Variants in PICALM observed in about 807,000 individuals in gnomAD.
PICALM encodes the protein phosphatidylinositol-binding clathrin assembly protein.
Under a neutral mutation model 80.5 loss-of-function variants are expected in PICALM, and 40 were observed. The observed-to-expected ratio is 0.50, with a 90% CI of 0.39 to 0.65. The LOEUF is 0.65. Ranked by LOEUF, PICALM falls within the 30% of genes least tolerant of loss-of-function variation. The pLI is 0.00. For missense variants in PICALM, 676 were observed against 778.9 expected, an observed-to-expected ratio of 0.87 and a Z score of 1.57; for synonymous variants, 288 against 260.3, an observed-to-expected ratio of 1.11 and a Z score of -1.02.
intron 1 of PICALM, among the ~76,000 whole-genome samples, chr11:86,064,522 G>A (rs572964276): frequency 5.3e-5 from 8 of 151,560 alleles, no homozygotes; most frequent in South Asian, 2.1e-4. Context: ...TTAGCTGTGC[G>A]TGGTAGCAGA....
chr11:85,976,503 T>C (rs2135589415), intron 18 of PICALM, 120 bp downstream of exon 18: 1 of 644,532 alleles, frequency 1.6e-6, no homozygotes, highest in East Asian at 2.8e-5. Context: ...TCTACTGCAT[T>C]AGGCACTAGG....
intron 6 of PICALM, 57 bp from the exon 7 acceptor site, chr11:86,011,193 AG>A: frequency 1.4e-6 from 1 of 734,190 alleles, no homozygotes; most frequent in Non-Finnish European, 2.3e-6. Flanking sequence ...CACCCAAAAA[AG>A]GAAAAAAAAA....
intron 4 of PICALM, 60 bp downstream of exon 4, chr11:86,022,304 ACTC>A: frequency 2.3e-6 from 2 of 869,982 alleles, no homozygotes; most frequent in East Asian, 2.6e-5. Flanking sequence ...TAATCTAGTA[ACTC>A]CTATGTTTTA....
intron 4 of PICALM, among the ~76,000 whole-genome samples, chr11:86,017,048 C>G (rs1348426884): frequency 6.6e-6 from 1 of 152,012 alleles, no homozygotes; most frequent in Non-Finnish European, 1.5e-5. Flanking sequence ...ATGGTGAAAC[C>G]CCATCTCTAC....
chr11:86,009,917 A>C (rs1284812187), intron 7 of PICALM, among the ~76,000 whole-genome samples: 1 of 152,252 alleles, frequency 6.6e-6, no homozygotes, highest in African/African-American at 2.4e-5. Context: ...TAATTTCAGT[A>C]GGCTTCATAA....
chr11:85,974,937 C>T, intron 18 of PICALM, 125 bp from the exon 19 acceptor site: 1 of 694,528 alleles, frequency 1.4e-6, no homozygotes, highest in Non-Finnish European at 2.6e-6. Flanking sequence ...GTAACTTCCT[C>T]TGAATATAAG....
chr11:86,024,615 C>T (rs998691493), intron 3 of PICALM, among the ~76,000 whole-genome samples: 1 of 151,976 alleles, frequency 6.6e-6, no homozygotes, highest in African/African-American at 2.4e-5. Context: ...CTCTCCCCTC[C>T]TCTCTCTACT....
intron 13 of PICALM, among the ~76,000 whole-genome samples, chr11:85,985,247 T>C (rs1446892479): frequency 6.6e-6 from 1 of 152,130 alleles, no homozygotes; most frequent in Non-Finnish European, 1.5e-5. Flanking sequence ...GAGACTGATC[T>C]CAAAGAAAAC....
In PICALM at chr11:85,983,884, C is replaced by T. The variant is rs1168718614; in HGVS notation, c.1498G>A (p.Val500Ile). The T allele has an allele frequency of 2.0e-6, 3 of 1,537,224 alleles. No individual in the cohort carries two copies. The highest frequency in any genetic ancestry group is 3.4e-5 in the Admixed American group (2 of 59,026). The change falls in exon 14 of 20, where the codon GTT becomes ATT. Residue 500 changes from valine to isoleucine, a missense_variant. Coordinates refer to ENST00000393346, the MANE Select transcript of PICALM (RefSeq NM_007166.4). ...ESVFGNKSTN[V>I]IVDSGGFDEL... ...TCCTTACCCCCAGAATCTACAATAA[C>T]ATTTGTAGATTTATTTCCAAACACA...
chr11:85,982,113 C>T, intron 14 of PICALM, 110 bp from the exon 15 acceptor site: 1 of 927,160 alleles, frequency 1.1e-6, no homozygotes, highest in African/African-American at 1.7e-5. Context: ...GAAAAGTTAT[C>T]CAAAAAATAG....
At position 86,006,110 on chromosome 11, in the gene PICALM, A is replaced by G. The variant is rs7948653; in HGVS notation, c.807+1432T>C. Among the ~76,000 whole-genome samples, 1,179 of 152,362 alleles carry G rather than the reference A, an allele frequency of 7.7e-3. 15 individuals are homozygous for G. Among genetic ancestry groups the G allele is most frequent in the African/African-American group, 0.027 (1,124 of 41,574 alleles). Reference sequence around the variant, plus strand: ...AATGGGGTGGGTAACAGGTGAATCTAAAGTTGCCAAATCATTTTATAATAT... The same window carrying G: ...AATGGGGTGGGTAACAGGTGAATCTGAAGTTGCCAAATCATTTTATAATAT... On this transcript the variant is annotated intron_variant, in intron 8 of 19. Transcript: ENST00000393346.
At position 85,996,941 on chromosome 11, in the gene PICALM, T is replaced by G. The variant is rs769510516; in HGVS notation, c.1155-12A>C. 1 of 1,587,760 alleles carries G rather than the reference T, an allele frequency of 6.3e-7. No homozygotes were observed. The highest frequency in any genetic ancestry group is 1.1e-5 in the South Asian group (1 of 89,306). On this transcript the variant is annotated splice_polypyrimidine_tract_variant and intron_variant, in intron 11 of 19. Transcript: ENST00000393346. ...GCAGCTTTGATGTGCTAGAAAGATA[T>G]TTTGGAAACGTGTTTTATTTACCAG...
At chr11:86,067,858 C>G (rs1309853410) in intron 1 of PICALM, among the ~76,000 whole-genome samples, 1 of 152,156 alleles carries the variant, frequency 6.6e-6, no homozygotes, top group Non-Finnish European at 1.5e-5. Flanking sequence ...AAACTCACCC[C>G]AGTCAAAAGT....
intron 17 of PICALM, chr11:85,978,225 T>C: frequency 1.4e-6 from 1 of 737,190 alleles, no homozygotes; most frequent in South Asian, 1.5e-5. Flanking sequence ...ATCCCTTGTA[T>C]TTCCAGTATC....
At chr11:86,029,155 G>T (rs1295810281) in intron 2 of PICALM, among the ~76,000 whole-genome samples, 1 of 151,912 alleles carries the variant, frequency 6.6e-6, no homozygotes, top group Admixed American at 6.6e-5. Flanking sequence ...GTGCATTATT[G>T]TAAGATGTTT....
upstream of PICALM, chr11:86,069,535 G>A (rs892340132): frequency 6.6e-6 from 1 of 152,388 alleles, no homozygotes; most frequent in Non-Finnish European, 1.5e-5. Context: ...AGCTTCCCCT[G>A]AAGTGGGGGG....
chr11:86,048,762 G>A (rs530882073), intron 1 of PICALM, among the ~76,000 whole-genome samples: 2 of 150,360 alleles, frequency 1.3e-5, no homozygotes, highest in African/African-American at 4.9e-5. Context: ...AACCTGGGAG[G>A]CAGAGGTTGC....
At chr11:85,990,645 G>T (rs1168329871) in intron 12 of PICALM, among the ~76,000 whole-genome samples, 1 of 152,094 alleles carries the variant, frequency 6.6e-6, no homozygotes, top group Non-Finnish European at 1.5e-5. Flanking sequence ...CAACAGTCAG[G>T]TAGTTAAAAA....
chr11:86,059,603 C>T (rs2096324791), intron 1 of PICALM, among the ~76,000 whole-genome samples: 1 of 152,042 alleles, frequency 6.6e-6, no homozygotes, highest in South Asian at 2.1e-4. Context: ...GGAAAGAGAC[C>T]CCTTTCTCTT....
Sources: allele counts gnomAD v4.1 joint callset (sites outside exome capture counted in the v4.1 genomes callset), GRCh38; gene constraint gnomAD v4.1.1; transcripts MANE v1.5; gene names NCBI Gene and HGNC (gene_info 2026-07-23, HGNC 2026-07-21).